NBPF8: variants seen among roughly 807,000 people sequenced by gnomAD.
NBPF8 encodes NBPF member 8.
upstream of NBPF8, among the ~76,000 whole-genome samples, chr1:120,434,266 T>G (rs1374722246): frequency 3.4e-5 from 4 of 119,376 alleles, no homozygotes; most frequent in Admixed American, 1.9e-4. Flanking sequence ...TTATATATAT[T>G]GTATATTATG....
downstream of NBPF8, chr1:120,467,856 T>C (rs1661783057): frequency 6.6e-6 from 1 of 152,172 alleles, no homozygotes; most frequent in South Asian, 2.1e-4. Context: ...GTTTATTTTG[T>C]AATCTCTTCC....
chr1:120,434,519 A>G (rs1473047992), upstream of NBPF8, among the ~76,000 whole-genome samples: 1 of 148,400 alleles, frequency 6.7e-6, no homozygotes, highest in Admixed American at 6.8e-5. Flanking sequence ...CCCTCACCCC[A>G]TGACAGGCCC....
intron 12 of NBPF8, 140 bp from the exon 11 acceptor site, chr1:120,451,977 A>G (rs1456569802): frequency 1.0e-6 from 1 of 971,572 alleles, no homozygotes; most frequent in Non-Finnish European, 1.7e-6. Flanking sequence ...TCTCTTGGCC[A>G]CAGACATTCC....
At chr1:120,415,886 TCTTTCTGG>T (rs1443582084), upstream of NBPF8, among the ~76,000 whole-genome samples, 1 of 152,228 alleles carries the variant, frequency 6.6e-6, no homozygotes, top group Non-Finnish European at 1.5e-5. Flanking sequence ...CCTGTATCTG[TCTTTCTGG>T]CTTGTTAGAT....
At chr1:120,436,563 A>T in exon 1 of NBPF8, 1 of 1,538,744 alleles carries the variant, frequency 6.5e-7, no homozygotes, top group East Asian at 2.2e-5. Flanking sequence ...GAGAAGGCAG[A>T]GATGAACATT....
At chr1:120,434,264 ATT>A (rs1661001368), upstream of NBPF8, among the ~76,000 whole-genome samples, 1 of 134,506 alleles carries the variant, frequency 7.4e-6, no homozygotes, top group African/African-American at 2.8e-5. Context: ...TGTTATATAT[ATT>A]GTATATTATG....
At chr1:120,462,089 G>A (rs1315997463) in intron 19 of NBPF8, 57 bp from the exon 18 acceptor site, 1 of 289,720 alleles carries the variant, frequency 3.5e-6, no homozygotes, top group Non-Finnish European at 6.1e-6. Flanking sequence ...ACAGTGGATT[G>A]TTATGTGTGT....
upstream of NBPF8, among the ~76,000 whole-genome samples, chr1:120,415,590 C>G (rs1213339131): frequency 1.3e-5 from 2 of 152,108 alleles, no homozygotes; most frequent in African/African-American, 4.8e-5. Flanking sequence ...TGTGGAGGAC[C>G]CTGACCCCGC....
At chr1:120,416,066 C>A (rs1553245145), upstream of NBPF8, among the ~76,000 whole-genome samples, 6 of 152,224 alleles carry the variant, frequency 3.9e-5, no homozygotes, top group Admixed American at 1.3e-4. Flanking sequence ...CCTTTCTTTG[C>A]CGAAAGAATG....
At chr1:120,468,483 A>C (rs1429225771), downstream of NBPF8, among the ~76,000 whole-genome samples, 1 of 139,822 alleles carries the variant, frequency 7.2e-6, no homozygotes, top group Non-Finnish European at 1.5e-5. Flanking sequence ...TGGAGTTTTT[A>C]GGAGATATTG....
At chr1:120,420,506 A>C (rs2101443068) in intron 1 of NBPF8, among the ~76,000 whole-genome samples, 1 of 145,054 alleles carries the variant, frequency 6.9e-6, no homozygotes, top group African/African-American at 2.6e-5. Context: ...TTCATGGCTC[A>C]CCCCCTCCCT....
intron 12 of NBPF8, 31 bp from the exon 11 acceptor site, chr1:120,452,086 C>T: frequency 8.9e-6 from 13 of 1,463,022 alleles, no homozygotes; most frequent in Non-Finnish European, 1.2e-5. Flanking sequence ...ACCCTTTCCA[C>T]TCTTAAATTT....
At chr1:120,463,387 G>A (rs1473927200) in intron 21 of NBPF8, among the ~76,000 whole-genome samples, 5 of 113,848 alleles carry the variant, frequency 4.4e-5, no homozygotes, top group Non-Finnish European at 7.1e-5. Flanking sequence ...ATCATCTGGG[G>A]CATTTTCTTT....
upstream of NBPF8, among the ~76,000 whole-genome samples, chr1:120,418,585 C>G (rs1212722267): frequency 3.3e-5 from 5 of 150,018 alleles, no homozygotes; most frequent in Non-Finnish European, 5.9e-5. Context: ...GTGTCTCGCT[C>G]TGTTGCCCAG....
intron 14 of NBPF8, 46 bp downstream of exon 12, chr1:120,453,490 G>A (rs1553249218): frequency 4.2e-5 from 39 of 928,862 alleles, no homozygotes; most frequent in Middle Eastern, 3.2e-4. Context: ...TAACATATGA[G>A]GAATATCTAG....
chr1:120,431,233 A>T (rs1660863947), intron 3 of NBPF8, among the ~76,000 whole-genome samples: 1 of 118,466 alleles, frequency 8.4e-6, no homozygotes, highest in Non-Finnish European at 1.7e-5. Flanking sequence ...ATATATGTAT[A>T]CACACATACA....
chr1:120,466,124 A>T, exon 25 of NBPF8: 1 of 1,610,876 alleles, frequency 6.2e-7, no homozygotes, highest in South Asian at 1.1e-5. Flanking sequence ...GAGGAACAGC[A>T]CATCAGCTTT....
rs1661365896 is a variant in NBPF8, at chr1:120,454,115, G to T, written n.2568+1G>T. On this transcript the variant is annotated splice_donor_variant and non_coding_transcript_variant, in intron 15 of 24. Coordinates refer to ENST00000583271, the Ensembl canonical transcript of NBPF8. The stretch of plus-strand genomic sequence containing the variant: ...GAGGATGCTGTACACATTATTCCAG[G>T]TAGCCTCTGTTTTCCTTGTGTCTCA... 2.5e-6 allele frequency: 4 copies of T among 1,612,662 alleles called. No homozygotes were observed. The South Asian group carries it at 3.3e-5, about 13-fold the overall frequency.
rs1293352421 is a variant in NBPF8 at position 120,421,606 on chromosome 1, C to T, written n.269+1488C>T. Among the ~76,000 whole-genome samples the T allele has an allele frequency of 3.5e-3, 522 of 148,040 alleles. 6 individuals are homozygous for T. Among genetic ancestry groups the T allele is most frequent in the African/African-American group, 0.013 (507 of 39,942 alleles). On this transcript the variant is annotated intron_variant and non_coding_transcript_variant, in intron 1 of 28. Coordinates refer to the NBPF8 transcript ENST00000652355. ...TTTTTCTTTGTCTCTCATGCTCTCT[C>T]TTTTTCTTTCCTTTTTGTTCTACTT...
Sources: gnomAD v4.1 joint callset for allele counts (sites outside exome capture counted in the v4.1 genomes callset) on GRCh38, gnomAD v4.1.1 for gene constraint, MANE v1.5 for transcripts, NCBI Gene and HGNC (gene_info 2026-07-23, HGNC 2026-07-21) for gene names.